TANK: variants seen among roughly 807,000 people sequenced by gnomAD.
The protein encoded by TANK is TRAF family member-associated NF-kappa-B activator.
TANK carries 15 observed loss-of-function variants against 43.6 expected under a neutral mutation model. That is an observed-to-expected ratio of 0.34 (90% CI 0.23 to 0.53). The LOEUF (loss-of-function observed/expected upper bound fraction) is 0.53, where lower values mean the gene tolerates loss of function less well. Ranked by LOEUF, TANK falls within the 20% of genes least tolerant of loss-of-function variation. TANK has a pLI of 0.94. For synonymous variants in TANK, 162 were observed against 178.2 expected, an observed-to-expected ratio of 0.91 and a Z score of 0.73; for missense variants, 417 against 498.6, an observed-to-expected ratio of 0.84 and a Z score of 1.56.
chr2:161,233,173 T>G (rs1446122974), intron 7 of TANK, among the ~76,000 whole-genome samples: 1 of 152,086 alleles, frequency 6.6e-6, no homozygotes, highest in Non-Finnish European at 1.5e-5. Context: ...TGATTAAGCC[T>G]AGGAATTTGA....
intron 6 of TANK, among the ~76,000 whole-genome samples, chr2:161,230,608 T>C (rs549848672): frequency 2.0e-5 from 3 of 152,326 alleles, no homozygotes; most frequent in South Asian, 2.1e-4. Context: ...TAACAACTTA[T>C]TTGTCTAAGC....
intron 2 of TANK, among the ~76,000 whole-genome samples, chr2:161,194,265 A>G (rs182540566): frequency 4.3e-4 from 66 of 152,198 alleles, no homozygotes; most frequent in Admixed American, 2.4e-3. Context: ...ATGTAATTAG[A>G]AAATAGAAAT....
chr2:161,193,288 A>T (rs1011927402), intron 2 of TANK, among the ~76,000 whole-genome samples: 2 of 152,192 alleles, frequency 1.3e-5, no homozygotes, highest in African/African-American at 4.8e-5. Flanking sequence ...GACAACTTTT[A>T]CTATGCTTAC....
chr2:161,144,614 A>T (rs927056746), intron 1 of TANK, among the ~76,000 whole-genome samples: 13 of 152,148 alleles, frequency 8.5e-5, no homozygotes, highest in Admixed American at 7.2e-4. Context: ...TGTCATTTTG[A>T]GTGAGTTTCT....
At chr2:161,156,495 T>A, upstream of TANK, 1 of 490,570 alleles carries the variant, frequency 2.0e-6, no homozygotes, top group Non-Finnish European at 2.6e-6. Flanking sequence ...GGTAAATAAT[T>A]TTCCAAAGTA....
upstream of TANK, among the ~76,000 whole-genome samples, chr2:161,155,470 C>A (rs569272793): frequency 9.9e-5 from 15 of 152,240 alleles, no homozygotes; most frequent in South Asian, 2.9e-3. Context: ...AGCATATCTT[C>A]AATTGTTTCA....
intron 1 of TANK, chr2:161,161,712 C>G (rs572849598): frequency 5.6e-6 from 2 of 355,870 alleles, no homozygotes; most frequent in East Asian, 1.1e-4. Context: ...TGGCGTGGTA[C>G]TGCATTGTGT....
intron 4 of TANK, among the ~76,000 whole-genome samples, chr2:161,213,910 A>G (rs547359434): frequency 6.6e-5 from 10 of 152,306 alleles, no homozygotes; most frequent in Admixed American, 5.2e-4. Flanking sequence ...CTGTTGGTCT[A>G]TCTTGTACTT....
At chr2:161,156,232 T>C, upstream of TANK, 1 of 985,450 alleles carries the variant, frequency 1.0e-6, no homozygotes, top group Non-Finnish European at 1.2e-6. Context: ...TGGAAGAGTT[T>C]TTCAAGCTTT....
intron 4 of TANK, among the ~76,000 whole-genome samples, chr2:161,218,707 G>A (rs974305169): frequency 6.6e-6 from 1 of 152,140 alleles, no homozygotes; most frequent in Admixed American, 6.5e-5. Context: ...AGTAATACAT[G>A]CAAATTGCTT....
intron 1 of TANK, among the ~76,000 whole-genome samples, chr2:161,141,882 T>C (rs949582629): frequency 6.6e-6 from 1 of 152,198 alleles, no homozygotes; most frequent in African/African-American, 2.4e-5. Flanking sequence ...TATTTCTGGT[T>C]CTAGATCCTT....
chr2:161,167,296 C>T (rs913350736), intron 1 of TANK, among the ~76,000 whole-genome samples: 1 of 152,166 alleles, frequency 6.6e-6, no homozygotes, highest in Admixed American at 6.5e-5. Flanking sequence ...CTCAGATGTT[C>T]TGGTTGAACA....
At chr2:161,224,793 A>G in intron 6 of TANK, 47 bp downstream of exon 6, 1 of 1,160,226 alleles carries the variant, frequency 8.6e-7, no homozygotes, top group South Asian at 1.7e-5. Flanking sequence ...CTTGATTGAA[A>G]TTGATTTCCT....
chr2:161,161,686 T>C (rs1684445697), intron 1 of TANK: 2 of 433,026 alleles, frequency 4.6e-6, no homozygotes, highest in African/African-American at 3.9e-5. Flanking sequence ...TATGTAGCTC[T>C]ATTTTATTGT....
At chr2:161,207,109 A>G (rs1289031774) in intron 4 of TANK, among the ~76,000 whole-genome samples, 2 of 152,114 alleles carry the variant, frequency 1.3e-5, no homozygotes, top group Non-Finnish European at 2.9e-5. Context: ...TTCAATGGAA[A>G]TCTTTTTAAA....
At chr2:161,200,627 A>G (rs763811211) in intron 2 of TANK, 57 of 788,486 alleles carry the variant, frequency 7.2e-5, no homozygotes, top group Middle Eastern at 6.4e-4. Context: ...AGAATCTTCA[A>G]ACATTACCTA....
chr2:161,218,109 CTT>C (rs1431084776), intron 4 of TANK, among the ~76,000 whole-genome samples: 1 of 152,052 alleles, frequency 6.6e-6, no homozygotes, highest in Non-Finnish European at 1.5e-5. Flanking sequence ...GTAAATCTAT[CTT>C]AAGTTATTTT....
At chr2:161,215,569 C>T (rs950530191) in intron 4 of TANK, among the ~76,000 whole-genome samples, 5 of 152,038 alleles carry the variant, frequency 3.3e-5, no homozygotes, top group Non-Finnish European at 5.9e-5. Context: ...ATACTAGGTA[C>T]TCTGTTTTTT....
upstream of TANK, among the ~76,000 whole-genome samples, chr2:161,155,834 C>T (rs1326933246): frequency 6.6e-6 from 1 of 152,134 alleles, no homozygotes; most frequent in East Asian, 1.9e-4. Context: ...TAGTAATTGC[C>T]TGATTCTTGT....
Sources: gnomAD v4.1 joint callset for allele counts (sites outside exome capture counted in the v4.1 genomes callset) on GRCh38, gnomAD v4.1.1 for gene constraint, MANE v1.5 for transcripts, NCBI Gene and HGNC (gene_info 2026-07-23, HGNC 2026-07-21) for gene names.